The following RAD51 variants were observed in gnomAD, a reference collection of about 807,000 sequenced individuals.
The protein encoded by RAD51 is DNA repair protein RAD51 homolog 1.
In RAD51, 14 loss-of-function variants were observed where a neutral mutation model predicts 41.5. The observed-to-expected ratio is 0.34, with a 90% CI of 0.22 to 0.53. The LOEUF is 0.53. RAD51 is among the 20% of genes least tolerant of loss of function. RAD51 has a pLI of 0.95. For missense variants in RAD51, 234 were observed against 422.0 expected (o/e 0.55, Z 3.90); for synonymous variants, 136 against 148.6 (o/e 0.92, Z 0.62).
chr15:40,722,171 G>A lies in RAD51; in HGVS notation c.530+3272G>A, dbSNP rs912296682. On this transcript the variant is annotated intron_variant, in intron 6 of 9. Transcript: ENST00000267868. ...TTATGCCTGTAATCCCAGCACTTTGGGAGGCCGAGGCAGGTGGATCACCTT... is the reference window on the plus strand; with the variant it reads ...TTATGCCTGTAATCCCAGCACTTTGAGAGGCCGAGGCAGGTGGATCACCTT... 9.9e-5 allele frequency among the ~76,000 whole-genome samples: 15 copies of A among 152,144 alleles called. 1 individual carries two copies. Among genetic ancestry groups the A allele is most frequent in the Non-Finnish European group, 1.3e-4 (9 of 68,034 alleles).
chr15:40,718,900 G>C lies in RAD51; in HGVS notation c.530+1G>C. On this transcript the variant is annotated splice_donor_variant, in intron 6 of 9. Transcript: ENST00000267868. LOFTEE classifies it high-confidence loss of function. ...AACGGCTGCTGGCAGTGGCTGAGAG[G>C]TAGGTTACTGGTTTAGATAAGAGAG... The C allele has an allele frequency of 6.2e-7, 1 of 1,601,754 alleles. No individual in the cohort carries two copies. The highest frequency in any genetic ancestry group is 8.6e-7 in the Non-Finnish European group (1 of 1,168,910).
At chr15:40,705,617 T>A (rs113458319) in intron 3 of RAD51, among the ~76,000 whole-genome samples, 231 of 152,264 alleles carry the variant, frequency 1.5e-3, no homozygotes, top group African/African-American at 5.3e-3. Flanking sequence ...TTTTGTTTTG[T>A]TTTTTGAGAC....
intron 3 of RAD51, among the ~76,000 whole-genome samples, chr15:40,701,478 G>T (rs556998469): frequency 2.0e-5 from 3 of 147,590 alleles, no homozygotes; most frequent in Non-Finnish European, 4.4e-5. Context: ...AAGCTCAAGC[G>T]ATCCTCTCAC....
At chr15:40,728,427 G>A (rs558926104) in intron 6 of RAD51, among the ~76,000 whole-genome samples, 233 of 151,952 alleles carry the variant, frequency 1.5e-3, no homozygotes, top group African/African-American at 5.2e-3. Flanking sequence ...ACTCCAGCCT[G>A]GGTGACAGAG....
intron 5 of RAD51, among the ~76,000 whole-genome samples, chr15:40,715,843 C>T (rs45475397): frequency 0.01 from 1,551 of 152,304 alleles, 10 homozygotes; most frequent in Middle Eastern, 0.041. Context: ...AGGAGAACTT[C>T]GTTCATCTTA....
At chr15:40,725,509 C>A (rs45538640) in intron 6 of RAD51, among the ~76,000 whole-genome samples, 3 of 152,078 alleles carry the variant, frequency 2.0e-5, no homozygotes, top group Non-Finnish European at 4.4e-5. Flanking sequence ...TAATTTTTGC[C>A]GTGCCCTGTT....
At position 40,706,374 on chromosome 15, in the gene RAD51, G is replaced by A. The variant is rs55737242; in HGVS notation, c.343+80G>A. ...TATAAAACAAAACTGAAATATTTGT[G>A]TAGCATTTCCTTGTTAGATAATGAT... On this transcript the variant is annotated intron_variant, in intron 4 of 9. Coordinates refer to ENST00000267868, the MANE Select transcript of RAD51 (RefSeq NM_002875.5). 4.3e-5 allele frequency: 50 copies of A among 1,154,610 alleles called. No homozygotes were observed. In the African/African-American group the frequency reaches 5.8e-4, roughly 13 times the overall value. 71.5% of individuals were successfully genotyped at this position (1,154,610 alleles called of 1,614,324 possible).
intron 3 of RAD51, among the ~76,000 whole-genome samples, chr15:40,701,544 T>G (rs1371034978): frequency 6.6e-6 from 1 of 151,380 alleles, no homozygotes; most frequent in Non-Finnish European, 1.5e-5. Flanking sequence ...CATGCCGGGG[T>G]AGTCTCGAAC....
intron 5 of RAD51, among the ~76,000 whole-genome samples, chr15:40,713,723 C>A (rs918896541): frequency 6.6e-6 from 1 of 151,674 alleles, no homozygotes; most frequent in African/African-American, 2.4e-5. Flanking sequence ...TTTCCTGCCT[C>A]AGCCTCCCGA....
Position 40,728,797 on chromosome 15 carries a change from A to G in RAD51, c.617A>G (p.Gln206Arg). The G allele has an allele frequency of 6.2e-7, 1 of 1,613,760 alleles. No homozygotes were observed. Among genetic ancestry groups the G allele is most frequent in the South Asian group, 1.1e-5 (1 of 91,074 alleles). ...GACCACCAGACCCAGCTCCTTTATC[A>G]AGCATCAGCCATGATGGTAGAATCT... Reference protein sequence around the residue: ...NTDHQTQLLYQASAMMVESRY... With the variant: ...NTDHQTQLLYRASAMMVESRY... Residue 206 changes from glutamine to arginine, a missense_variant, in exon 7 of 10, where the codon CAA becomes CGA. Gln to Arg is a conservative substitution (Grantham distance 43). Around this residue, in one of 2 missense-constraint regions of RAD51, gnomAD observed 134 missense variants for 286.5 expected, o/e 0.47. Transcript: ENST00000267868.
chr15:40,728,104 C>T (rs997541047), intron 6 of RAD51, among the ~76,000 whole-genome samples: 1 of 152,146 alleles, frequency 6.6e-6, no homozygotes, highest in African/African-American at 2.4e-5. Context: ...AGGTGATCCA[C>T]CTGCCTCGGC....
chr15:40,707,154 T>A (rs1309388195), intron 4 of RAD51, among the ~76,000 whole-genome samples: 3 of 137,310 alleles, frequency 2.2e-5, no homozygotes, highest in Admixed American at 2.1e-4. Context: ...TGGCTAATTT[T>A]TTTTTTTTTT....
Position 40,732,332 on chromosome 15 carries a change from G to C in RAD51, c.*1154G>C. 2.5e-5 allele frequency: 4 copies of C among 160,506 alleles called. No individual in the cohort carries two copies. Among genetic ancestry groups the C allele is most frequent in the East Asian group, 3.0e-4 (2 of 6,758 alleles). The allele number at this position is 160,506 out of a possible 1,614,324, so 9.9% of individuals were successfully genotyped here. Reference sequence around the variant, plus strand: ...AAAGCTAATGGAAAAATAAAAGAAAGACATACCATGGGTTGCCTTGTGGCC... The same window carrying C: ...AAAGCTAATGGAAAAATAAAAGAAACACATACCATGGGTTGCCTTGTGGCC... On this transcript the variant is annotated 3_prime_UTR_variant, in exon 10 of 10. Transcript: ENST00000267868.
chr15:40,708,153 G>A (rs1895474117), intron 4 of RAD51, among the ~76,000 whole-genome samples: 1 of 150,942 alleles, frequency 6.6e-6, no homozygotes, highest in African/African-American at 2.4e-5. Flanking sequence ...GAGTAGCTGG[G>A]ACTACAGGCA....
intron 6 of RAD51, among the ~76,000 whole-genome samples, chr15:40,722,279 A>C (rs1896315997): frequency 6.6e-6 from 1 of 152,026 alleles, no homozygotes; most frequent in South Asian, 2.1e-4. Flanking sequence ...CAGGTGTGGT[A>C]GCACAGACCT....
intron 3 of RAD51, among the ~76,000 whole-genome samples, chr15:40,704,667 CT>C (rs1895220990): frequency 9.0e-6 from 1 of 111,596 alleles, no homozygotes; most frequent in African/African-American, 3.7e-5. Flanking sequence ...CCATGCCCTA[CT>C]AATTTTTTTT....
chr15:40,702,577 A>G (rs903283618), intron 3 of RAD51, among the ~76,000 whole-genome samples: 1 of 152,012 alleles, frequency 6.6e-6, no homozygotes, highest in African/African-American at 2.4e-5. Flanking sequence ...CAATGGTGCA[A>G]TTTTGGCTCT....
chr15:40,697,574 C>CTTTTTTT (rs11340353), intron 1 of RAD51, among the ~76,000 whole-genome samples: 21 of 105,512 alleles, frequency 2.0e-4, no homozygotes, highest in South Asian at 3.0e-4. Context: ...GATGATATTT[C>CTTTTTTT]TTTTTTTTTT....
chr15:40,730,729 A>G (rs1896838891), intron 9 of RAD51, among the ~76,000 whole-genome samples: 1 of 151,596 alleles, frequency 6.6e-6, no homozygotes. Flanking sequence ...TCACAGTGTT[A>G]GCCAGGATGG....
Sources: allele counts gnomAD v4.1 joint callset (sites outside exome capture counted in the v4.1 genomes callset), GRCh38; gene constraint gnomAD v4.1.1; regional missense constraint gnomAD v4.1.1; transcripts MANE v1.5; gene names NCBI Gene and HGNC (gene_info 2026-07-23, HGNC 2026-07-21).